CADM2: variants seen among roughly 807,000 people sequenced by gnomAD.
CADM2 encodes the protein cell adhesion molecule 2, also known as immunoglobulin superfamily member 4D.
In CADM2, 12 loss-of-function variants were observed where a neutral mutation model predicts 49.8. The ratio of observed to expected loss-of-function variants is 0.24; its 90% CI spans 0.15 to 0.39. The LOEUF is 0.39. Ranked by LOEUF, CADM2 falls within the 10% of genes least tolerant of loss-of-function variation. CADM2 has a pLI of 1.00. For missense variants in CADM2, 378 were observed against 492.3 expected (o/e 0.77, Z 2.20); for synonymous variants, 214 against 175.4 (o/e 1.22, Z -1.74).
At chr3:85,292,560 G>T (rs1276377702) in intron 1 of CADM2, among the ~76,000 whole-genome samples, 4 of 152,058 alleles carry the variant, frequency 2.6e-5, no homozygotes, top group South Asian at 4.2e-4. Context: ...CTCAGCAAAT[G>T]TAAAAGAACT....
chr3:85,153,795 T>A (rs1403714661), intron 1 of CADM2, among the ~76,000 whole-genome samples: 3 of 151,984 alleles, frequency 2.0e-5, no homozygotes, highest in East Asian at 1.9e-4. Flanking sequence ...ACCCCCGAGC[T>A]GCCTAACTGG....
chr3:85,701,366 C>G (rs1358802486), intron 1 of CADM2, among the ~76,000 whole-genome samples: 1 of 152,160 alleles, frequency 6.6e-6, no homozygotes, highest in African/African-American at 2.4e-5. Context: ...ATATCACTAG[C>G]CTCAGAAGTA....
At chr3:86,014,105 CCATTTTCAGTGGACACGCAGG>C in intron 8 of CADM2, 1 of 1,284,512 alleles carries the variant, frequency 7.8e-7, no homozygotes, top group Non-Finnish European at 1.1e-6. Context: ...AGGAAATCTG[CCATTTTCAGTGGACACGCAGG>C]CATGATGCTT....
At chr3:85,061,036 T>A (rs2036289215) in intron 1 of CADM2, among the ~76,000 whole-genome samples, 1 of 152,090 alleles carries the variant, frequency 6.6e-6, no homozygotes, top group South Asian at 2.1e-4. Context: ...TCTTTAATAA[T>A]GATAACAAAG....
rs184960148 is a variant in CADM2, at chr3:86,027,594, G to A, written c.971-38011G>A. On this transcript the variant is annotated intron_variant, in intron 8 of 9. Coordinates refer to ENST00000383699, the MANE Select transcript of CADM2 (RefSeq NM_001167675.2). Reference sequence around the variant, plus strand: ...ATTGATTCTCAAGTTTATTTAAAACGTTCTATATGAGGCATAGCCTATTGA... The same window carrying A: ...ATTGATTCTCAAGTTTATTTAAAACATTCTATATGAGGCATAGCCTATTGA... Among the ~76,000 whole-genome samples the A allele has an allele frequency of 1.9e-4, 29 of 152,096 alleles. No individual in the cohort carries two copies. The East Asian group carries it at 5.4e-3, about 28-fold the overall frequency.
At chr3:85,603,467 T>C (rs757608365) in intron 1 of CADM2, among the ~76,000 whole-genome samples, 7 of 151,956 alleles carry the variant, frequency 4.6e-5, no homozygotes, top group East Asian at 1.9e-4. Context: ...AAGAAACTTA[T>C]GTGTCAGCTC....
intron 1 of CADM2, among the ~76,000 whole-genome samples, chr3:85,236,132 C>G (rs1008245518): frequency 6.6e-6 from 1 of 152,070 alleles, no homozygotes; most frequent in Non-Finnish European, 1.5e-5. Context: ...GTACTTCTCA[C>G]GGTTGCCCCA....
intron 1 of CADM2, among the ~76,000 whole-genome samples, chr3:85,188,248 A>T (rs559693312): frequency 6.6e-6 from 1 of 152,024 alleles, no homozygotes; most frequent in Non-Finnish European, 1.5e-5. Flanking sequence ...ATGCATTCTT[A>T]TTTTTATTTT....
At chr3:85,905,801 A>G (rs1323902248) in intron 5 of CADM2, among the ~76,000 whole-genome samples, 2 of 152,184 alleles carry the variant, frequency 1.3e-5, no homozygotes, top group Non-Finnish European at 2.9e-5. Context: ...TCAGAATACA[A>G]GGTAACCTGT....
chr3:85,070,072 A>T (rs1035992316), intron 1 of CADM2, among the ~76,000 whole-genome samples: 15 of 151,802 alleles, frequency 9.9e-5, no homozygotes, highest in Admixed American at 2.0e-4. Flanking sequence ...AATAAGCAAA[A>T]TTTTTTTTCT....
At chr3:85,581,313 C>T (rs1179654455) in intron 1 of CADM2, among the ~76,000 whole-genome samples, 1 of 151,746 alleles carries the variant, frequency 6.6e-6, no homozygotes, top group African/African-American at 2.4e-5. Flanking sequence ...GAGGAAGAAG[C>T]TAATGTCTAG....
intron 1 of CADM2, among the ~76,000 whole-genome samples, chr3:85,124,676 C>G (rs538074662): frequency 5.9e-4 from 90 of 152,216 alleles, no homozygotes; most frequent in African/African-American, 1.9e-3. Context: ...TGTATTCAAA[C>G]ATTCAATTAC....
intron 1 of CADM2, among the ~76,000 whole-genome samples, chr3:84,964,105 T>C (rs2030783062): frequency 6.6e-6 from 1 of 152,214 alleles, no homozygotes; most frequent in African/African-American, 2.4e-5. Flanking sequence ...TCTGGGAACA[T>C]AACATGACAA....
At chr3:85,154,920 A>G (rs1186762271) in intron 1 of CADM2, among the ~76,000 whole-genome samples, 1 of 151,946 alleles carries the variant, frequency 6.6e-6, no homozygotes, top group African/African-American at 2.4e-5. Context: ...GGCCTGCCCT[A>G]AAAGAGCTCC....
At chr3:85,846,161 G>T (rs1577461396) in intron 3 of CADM2, among the ~76,000 whole-genome samples, 1 of 151,982 alleles carries the variant, frequency 6.6e-6, no homozygotes, top group African/African-American at 2.4e-5. Flanking sequence ...GAACACACAG[G>T]GTCATAAGAA....
At chr3:85,862,197 A>G (rs2075562505) in intron 3 of CADM2, among the ~76,000 whole-genome samples, 2 of 152,254 alleles carry the variant, frequency 1.3e-5, no homozygotes, top group Admixed American at 6.5e-5. Flanking sequence ...TCACCATTTT[A>G]CTTAGCAGTA....
At chr3:86,002,001 A>G (rs1282648176) in intron 8 of CADM2, among the ~76,000 whole-genome samples, 2 of 152,070 alleles carry the variant, frequency 1.3e-5, no homozygotes, top group Non-Finnish European at 2.9e-5. Context: ...AAGATTCACC[A>G]GTGGATGGGA....
At chr3:85,956,066 G>T (rs1724014627) in intron 7 of CADM2, among the ~76,000 whole-genome samples, 1 of 151,438 alleles carries the variant, frequency 6.6e-6, no homozygotes, top group African/African-American at 2.4e-5. Flanking sequence ...TAATTATTTG[G>T]GCTGGTTAAA....
chr3:85,810,921 C>T (rs1168928222), intron 3 of CADM2, among the ~76,000 whole-genome samples: 1 of 152,118 alleles, frequency 6.6e-6, no homozygotes, highest in African/African-American at 2.4e-5. Flanking sequence ...TAAAGAAAAT[C>T]TTCGGTTGTG....
Sources: gnomAD v4.1 joint callset for allele counts (sites outside exome capture counted in the v4.1 genomes callset) on GRCh38, gnomAD v4.1.1 for gene constraint, MANE v1.5 for transcripts, NCBI Gene and HGNC (gene_info 2026-07-23, HGNC 2026-07-21) for gene names.